Variants in CACNA2D3 observed in about 807,000 individuals in gnomAD.
CACNA2D3 encodes calcium voltage-gated channel auxiliary subunit alpha2delta 3, also known as voltage-dependent calcium channel subunit alpha-2/delta-3.
CACNA2D3 carries 60 observed loss-of-function variants against 160.6 expected under a neutral mutation model. That is an observed-to-expected ratio of 0.37 (90% CI 0.30 to 0.46). The LOEUF (loss-of-function observed/expected upper bound fraction) is 0.46. Ranked by LOEUF, CACNA2D3 falls within the 20% of genes least tolerant of loss-of-function variation. CACNA2D3 has a pLI of 1.00. For synonymous variants in CACNA2D3, 558 were observed against 492.9 expected, an observed-to-expected ratio of 1.13 and a Z score of -1.75; for missense variants, 1,205 against 1,365.0, an observed-to-expected ratio of 0.88 and a Z score of 1.85.
chr3:54,947,666 A>G (rs1329246043), intron 27 of CACNA2D3, among the ~76,000 whole-genome samples: 2 of 152,138 alleles, frequency 1.3e-5, no homozygotes, highest in African/African-American at 2.4e-5. Context: ...TGCTCTGGCT[A>G]TACCCCATGA....
intron 3 of CACNA2D3, among the ~76,000 whole-genome samples, chr3:54,370,122 A>C: frequency 6.6e-6 from 1 of 152,216 alleles, no homozygotes; most frequent in African/African-American, 2.4e-5. Flanking sequence ...TAAGCCTTTC[A>C]AAATGTTGTT....
intron 2 of CACNA2D3, among the ~76,000 whole-genome samples, chr3:54,289,520 C>T (rs1358005200): frequency 2.7e-5 from 4 of 149,698 alleles, no homozygotes; most frequent in Middle Eastern, 3.5e-3. Flanking sequence ...CCCCATCAAG[C>T]TACCAATGAC....
chr3:54,950,791 A>G (rs1332980394), intron 27 of CACNA2D3, among the ~76,000 whole-genome samples: 1 of 152,180 alleles, frequency 6.6e-6, no homozygotes, highest in African/African-American at 2.4e-5. Flanking sequence ...GGGCCAAAAT[A>G]AACGGGAAGG....
chr3:54,750,831 G>A (rs1389994737), intron 11 of CACNA2D3, among the ~76,000 whole-genome samples: 1 of 151,228 alleles, frequency 6.6e-6, no homozygotes, highest in African/African-American at 2.4e-5. Flanking sequence ...GTGCAGTGGC[G>A]CAAACTCGGC....
At chr3:54,263,030 A>C (rs1054547520) in intron 2 of CACNA2D3, among the ~76,000 whole-genome samples, 10 of 152,172 alleles carry the variant, frequency 6.6e-5, no homozygotes, top group Non-Finnish European at 1.5e-4. Flanking sequence ...ATGACTTTGC[A>C]GAGAAATTTT....
intron 13 of CACNA2D3, among the ~76,000 whole-genome samples, chr3:54,789,427 A>G (rs1436599964): frequency 6.6e-6 from 1 of 152,172 alleles, no homozygotes; most frequent in Admixed American, 6.5e-5. Flanking sequence ...GAATTCCTTT[A>G]TGATAACCAA....
At chr3:54,772,828 G>C (rs1702344546) in intron 13 of CACNA2D3, among the ~76,000 whole-genome samples, 1 of 152,124 alleles carries the variant, frequency 6.6e-6, no homozygotes, top group South Asian at 2.1e-4. Context: ...TTGTGCTTTG[G>C]AGTTGGGTCT....
At chr3:54,174,026 C>T (rs1472698378) in intron 2 of CACNA2D3, among the ~76,000 whole-genome samples, 1 of 152,104 alleles carries the variant, frequency 6.6e-6, no homozygotes, top group East Asian at 1.9e-4. Context: ...GGTTAGGTAT[C>T]GGTAAACATT....
At chr3:54,242,275 A>AAAAAC (rs547780922) in intron 2 of CACNA2D3, among the ~76,000 whole-genome samples, 184 of 150,552 alleles carry the variant, frequency 1.2e-3, no homozygotes, top group African/African-American at 4.1e-3. Flanking sequence ...ACAAAAAACA[A>AAAAAC]AAACAAACAA....
intron 2 of CACNA2D3, among the ~76,000 whole-genome samples, chr3:54,256,933 G>T (rs2016789873): frequency 6.6e-6 from 1 of 152,146 alleles, no homozygotes. Context: ...GCACTTTTTG[G>T]GTCAGTGCTG....
intron 4 of CACNA2D3, among the ~76,000 whole-genome samples, chr3:54,401,705 G>T (rs779350182): frequency 6.6e-6 from 1 of 152,160 alleles, no homozygotes; most frequent in Admixed American, 6.5e-5. Flanking sequence ...GCAAGCAAAC[G>T]TTGAGAGAAT....
intron 2 of CACNA2D3, among the ~76,000 whole-genome samples, chr3:54,274,054 A>G (rs915530508): frequency 6.6e-6 from 1 of 152,098 alleles, no homozygotes; most frequent in Non-Finnish European, 1.5e-5. Flanking sequence ...AGTATACTAC[A>G]GTGTGTCTTT....
At chr3:54,916,153 C>T (rs1180920722) in intron 27 of CACNA2D3, among the ~76,000 whole-genome samples, 1 of 152,144 alleles carries the variant, frequency 6.6e-6, no homozygotes, top group African/African-American at 2.4e-5. Flanking sequence ...GTTCAAGTGG[C>T]TCATGGGGTG....
chr3:54,122,845 G>T lies in CACNA2D3; in HGVS notation c.122+10G>T. ...AGATACCGCTCTCCGTGTAAGTGCC[G>T]GCTCCTGCGCCGCCCGGGGAGGGGA... On this transcript the variant is annotated intron_variant, in intron 1 of 37. Transcript: ENST00000474759. 8.1e-7 allele frequency: 1 copy of T among 1,227,584 alleles called. No homozygotes were observed. 76.0% of individuals were successfully genotyped at this position (1,227,584 alleles called of 1,614,324 possible).
At chr3:54,364,281 G>C (rs1698792507) in intron 3 of CACNA2D3, among the ~76,000 whole-genome samples, 1 of 152,164 alleles carries the variant, frequency 6.6e-6, no homozygotes, top group African/African-American at 2.4e-5. Context: ...TTTTCATTAA[G>C]ACCAAATATC....
intron 13 of CACNA2D3, among the ~76,000 whole-genome samples, chr3:54,776,572 A>G (rs1307181155): frequency 6.6e-6 from 1 of 152,190 alleles, no homozygotes; most frequent in Non-Finnish European, 1.5e-5. Flanking sequence ...ACAAAACAGT[A>G]ACAACAACAA....
Position 54,326,981 on chromosome 3 carries a change from C to T in CACNA2D3, c.321+6423C>T, listed in dbSNP as rs1176220322. Among the ~76,000 whole-genome samples, 4 of 151,878 alleles carry T rather than the reference C, an allele frequency of 2.6e-5. No individual in the cohort carries two copies. In the East Asian group the frequency reaches 5.8e-4, roughly 22 times the overall value. On this transcript the variant is annotated intron_variant, in intron 3 of 37. Coordinates refer to ENST00000474759, the MANE Select transcript of CACNA2D3 (RefSeq NM_018398.3). ...AAACTGGGTCGCTTGCAAAATCGTA[C>T]GTATATATGTAAGGAAATTTAGAGC...
chr3:54,132,222 C>T (rs1699727062), intron 2 of CACNA2D3, among the ~76,000 whole-genome samples: 1 of 152,198 alleles, frequency 6.6e-6, no homozygotes. Context: ...GATATTCTTT[C>T]CTCTTGACTT....
intron 2 of CACNA2D3, among the ~76,000 whole-genome samples, chr3:54,194,493 A>G (rs748592325): frequency 1.3e-5 from 2 of 152,090 alleles, no homozygotes; most frequent in African/African-American, 2.4e-5. Context: ...TGTCTTTCCA[A>G]AATTCTCTCT....
Sources: allele counts gnomAD v4.1 joint callset (sites outside exome capture counted in the v4.1 genomes callset), GRCh38; gene constraint gnomAD v4.1.1; transcripts MANE v1.5; gene names NCBI Gene and HGNC (gene_info 2026-07-23, HGNC 2026-07-21).